The following USP24 variants were observed in gnomAD, a reference collection of about 807,000 sequenced individuals.
The protein encoded by USP24 is ubiquitin carboxyl-terminal hydrolase 24.
A neutral mutation model predicts 361.6 loss-of-function variants in USP24; 97 were observed. The ratio of observed to expected loss-of-function variants is 0.27; its 90% CI spans 0.23 to 0.32. The LOEUF (loss-of-function observed/expected upper bound fraction) is 0.32. USP24 is among the 10% of genes least tolerant of loss of function. The pLI is 1.00. For synonymous variants in USP24, 1,098 were observed against 1,124.6 expected, an observed-to-expected ratio of 0.98 and a Z score of 0.47; for missense variants, 2,353 against 3,165.6, an observed-to-expected ratio of 0.74 and a Z score of 6.16.
At chr1:55,119,401 G>C (rs1204279801) in intron 38 of USP24, among the ~76,000 whole-genome samples, 1 of 152,136 alleles carries the variant, frequency 6.6e-6, no homozygotes, top group Non-Finnish European at 1.5e-5. Flanking sequence ...AATGGTGGTT[G>C]CCGTGGGATG....
intron 39 of USP24, among the ~76,000 whole-genome samples, chr1:55,107,793 G>C (rs1229432085): frequency 2.5e-5 from 3 of 118,714 alleles, no homozygotes; most frequent in South Asian, 5.9e-4. Context: ...AGTGAGCTGA[G>C]ATCACGCCAC....
At chr1:55,191,982 C>T (rs1644301768) in intron 1 of USP24, among the ~76,000 whole-genome samples, 1 of 152,172 alleles carries the variant, frequency 6.6e-6, no homozygotes, top group African/African-American at 2.4e-5. Flanking sequence ...ACATACGTTG[C>T]TATCCATATC....
chr1:55,142,928 A>G (rs1646929789), intron 22 of USP24, 51 bp downstream of exon 22: 1 of 1,447,766 alleles, frequency 6.9e-7, no homozygotes, highest in Non-Finnish European at 9.3e-7. Context: ...AAATATACAT[A>G]TAATTTTCTG....
intron 16 of USP24, chr1:55,151,983 G>C (rs1456463357): frequency 2.0e-6 from 2 of 985,760 alleles, no homozygotes; most frequent in East Asian, 1.1e-4. Flanking sequence ...TGCCTGGCAG[G>C]AAAGGGCATA....
At chr1:55,212,035 G>A (rs373939954) in intron 1 of USP24, among the ~76,000 whole-genome samples, 56 of 152,154 alleles carry the variant, frequency 3.7e-4, no homozygotes, top group South Asian at 1.0e-3. Flanking sequence ...AAGAGAGCCC[G>A]AAAGAGTGCA....
Position 55,208,327 on chromosome 1 carries a change from C to T in USP24, c.324+6463G>A, listed in dbSNP as rs12750160. Among the ~76,000 whole-genome samples the T allele has an allele frequency of 7.3e-3, 1,104 of 152,232 alleles. 6 individuals carry two copies. Among genetic ancestry groups the T allele is most frequent in the Non-Finnish European group, 0.012 (844 of 68,008 alleles). ...TGCCAAAACTCACCACAGAGATTAT[C>T]GACAGAAACAATAATGTTGGCCAGG... On this transcript the variant is annotated intron_variant, in intron 1 of 67. Coordinates refer to ENST00000294383, the MANE Select transcript of USP24 (RefSeq NM_015306.3).
Position 55,194,526 on chromosome 1 carries a change from C to T in USP24, c.325-16394G>A, listed in dbSNP as rs555610482. On this transcript the variant is annotated intron_variant, in intron 1 of 67. Coordinates refer to ENST00000294383, the MANE Select transcript of USP24 (RefSeq NM_015306.3). Reference sequence around the variant, plus strand: ...GTTGAGGTGGGTGATCACTTGAGCTCAGAGGGCTGAGGCTGCAGTGAGCCG... The same window carrying T: ...GTTGAGGTGGGTGATCACTTGAGCTTAGAGGGCTGAGGCTGCAGTGAGCCG... Among the ~76,000 whole-genome samples, 15 of 152,054 alleles carry T rather than the reference C, an allele frequency of 9.9e-5. No individual in the cohort carries two copies. The East Asian group carries it at 2.9e-3, about 29-fold the overall frequency.
intron 55 of USP24, among the ~76,000 whole-genome samples, chr1:55,089,426 C>T (rs975370484): frequency 7.9e-5 from 12 of 152,188 alleles, no homozygotes; most frequent in African/African-American, 2.7e-4. Flanking sequence ...ACAGGCTCTT[C>T]TTGTGGTCAC....
chr1:55,154,898 T>C (rs1647474289), intron 12 of USP24, 120 bp from the exon 13 acceptor site: 2 of 668,028 alleles, frequency 3.0e-6, no homozygotes, highest in African/African-American at 1.8e-5. Flanking sequence ...GACTCTAGTG[T>C]AATCAGCATC....
intron 39 of USP24, among the ~76,000 whole-genome samples, chr1:55,109,131 G>C (rs1398198222): frequency 6.6e-6 from 1 of 152,180 alleles, no homozygotes; most frequent in African/African-American, 2.4e-5. Flanking sequence ...TGGGATTACA[G>C]GCACGTGCCA....
Position 55,215,075 on chromosome 1 carries a change from C to A in USP24, c.39G>T (p.Leu13=). ...TGGCGGGGTCTGAGAAGCCCATGCACAGCAGCGTGGTCATGTGCTGCTCCT... is the reference window on the plus strand; with the variant it reads ...TGGCGGGGTCTGAGAAGCCCATGCAAAGCAGCGTGGTCATGTGCTGCTCCT... ...SEEEQHMTTL[L]CMGFSDPATI... is the part of the protein sequence containing the mutation. Residue 13 remains leucine, a synonymous_variant, in exon 1 of 68, where the codon CTG becomes CTT. Coordinates refer to ENST00000294383, the MANE Select transcript of USP24 (RefSeq NM_015306.3). 1 of 1,416,822 alleles carries A rather than the reference C, an allele frequency of 7.1e-7. No individual in the cohort carries two copies. Among genetic ancestry groups the A allele is most frequent in the Non-Finnish European group, 9.3e-7 (1 of 1,079,470 alleles). 87.8% of individuals were successfully genotyped at this position (1,416,822 alleles called of 1,614,324 possible).
intron 16 of USP24, among the ~76,000 whole-genome samples, chr1:55,150,083 G>T (rs1001004118): frequency 6.6e-6 from 1 of 152,126 alleles, no homozygotes; most frequent in Non-Finnish European, 1.5e-5. Context: ...TTAACTTGTA[G>T]TGTACATAAC....
At chr1:55,163,691 A>C (rs2100773166) in intron 7 of USP24, among the ~76,000 whole-genome samples, 1 of 152,218 alleles carries the variant, frequency 6.6e-6, no homozygotes, top group Non-Finnish European at 1.5e-5. Context: ...TGTCAATTAT[A>C]ATTTTAAAAC....
intron 1 of USP24, among the ~76,000 whole-genome samples, chr1:55,193,036 G>A (rs1644330107): frequency 6.6e-6 from 1 of 152,142 alleles, no homozygotes; most frequent in African/African-American, 2.4e-5. Context: ...GGTTGCATTT[G>A]TATTGAACGG....
At chr1:55,087,730 G>A (rs1405250296) in intron 55 of USP24, among the ~76,000 whole-genome samples, 1 of 152,158 alleles carries the variant, frequency 6.6e-6, no homozygotes, top group Non-Finnish European at 1.5e-5. Context: ...CCTGGCTTCT[G>A]CCCTCAAGAA....
At chr1:55,116,141 C>T (rs573626429) in intron 38 of USP24, among the ~76,000 whole-genome samples, 10 of 151,974 alleles carry the variant, frequency 6.6e-5, no homozygotes, top group Admixed American at 4.6e-4. Flanking sequence ...ACGTTCTGCA[C>T]GTGTATCCCA....
At chr1:55,162,549 T>C (rs992117031) in intron 7 of USP24, among the ~76,000 whole-genome samples, 1 of 152,200 alleles carries the variant, frequency 6.6e-6, no homozygotes, top group African/African-American at 2.4e-5. Context: ...TGTAGAATAC[T>C]ATACATTTTT....
intron 38 of USP24, among the ~76,000 whole-genome samples, chr1:55,116,838 A>G (rs938818034): frequency 8.5e-5 from 13 of 152,330 alleles, no homozygotes; most frequent in African/African-American, 2.9e-4. Flanking sequence ...ATACTTCCTG[A>G]CTTATTCTAT....
At chr1:55,144,695 G>T (rs1646981124) in intron 20 of USP24, among the ~76,000 whole-genome samples, 1 of 152,192 alleles carries the variant, frequency 6.6e-6, no homozygotes, top group African/African-American at 2.4e-5. Context: ...AGCACTGTGG[G>T]AGGCTGAAGC....
Sources: gnomAD v4.1 joint callset for allele counts (sites outside exome capture counted in the v4.1 genomes callset) on GRCh38, gnomAD v4.1.1 for gene constraint, MANE v1.5 for transcripts, NCBI Gene and HGNC (gene_info 2026-07-23, HGNC 2026-07-21) for gene names.